SLC39A9: variants seen among roughly 807,000 people sequenced by gnomAD.
The protein encoded by SLC39A9 is solute carrier family 39 member 9.
In SLC39A9, 14 loss-of-function variants were observed where a neutral mutation model predicts 28.4. The observed-to-expected ratio is 0.49, with a 90% CI of 0.33 to 0.77. The LOEUF (loss-of-function observed/expected upper bound fraction) is 0.77, where lower values mean the gene tolerates loss of function less well. Among genes scored for constraint, SLC39A9 ranks in the 30% least tolerant of loss-of-function variants. SLC39A9 has a pLI of 0.02. For synonymous variants in SLC39A9, 119 were observed against 149.6 expected, an observed-to-expected ratio of 0.80 and a Z score of 1.49; for missense variants, 283 against 381.1, an observed-to-expected ratio of 0.74 and a Z score of 2.14.
At position 69,399,475 on chromosome 14, in the gene SLC39A9, T is replaced by G; in HGVS notation, c.96+10T>G. 1 of 1,610,652 alleles carries G rather than the reference T, an allele frequency of 6.2e-7. No homozygotes were observed. ...TGTTAATTTCTCAGAGGTAAGAAAT[T>G]CTCAATTTTCTGTCAGCTGTCAGGA... On this transcript the variant is annotated intron_variant, in intron 1 of 6. Coordinates refer to ENST00000336643, the MANE Select transcript of SLC39A9 (RefSeq NM_018375.5).
At chr14:69,439,705 C>A (rs1427591019) in intron 2 of SLC39A9, among the ~76,000 whole-genome samples, 1 of 152,092 alleles carries the variant, frequency 6.6e-6, no homozygotes, top group Non-Finnish European at 1.5e-5. Flanking sequence ...GGTGCTATCC[C>A]CTTGCTGATG....
In SLC39A9 at chr14:69,461,695, A is replaced by G. The variant is rs777409884; in HGVS notation, c.*3102A>G. Reference sequence around the variant, plus strand: ...CACTGCCTGGTTTTTCTCTTTTTCAAGGATTAGAACTAAGAGGACACACCA... The same window carrying G: ...CACTGCCTGGTTTTTCTCTTTTTCAGGGATTAGAACTAAGAGGACACACCA... On this transcript the variant is annotated 3_prime_UTR_variant, in exon 7 of 7. Transcript: ENST00000336643. 4 of 1,535,800 alleles carry G rather than the reference A, an allele frequency of 2.6e-6. No individual in the cohort carries two copies. Among genetic ancestry groups the G allele is most frequent in the Non-Finnish European group, 3.5e-6 (4 of 1,146,830 alleles).
chr14:69,451,670 C>T (rs969889177), intron 3 of SLC39A9, among the ~76,000 whole-genome samples: 76 of 152,270 alleles, frequency 5.0e-4, no homozygotes, highest in African/African-American at 1.7e-3. Flanking sequence ...ATCACTAGGT[C>T]TAGGCAAGGG....
intron 3 of SLC39A9, among the ~76,000 whole-genome samples, chr14:69,444,648 G>A (rs1885208550): frequency 6.6e-6 from 1 of 151,948 alleles, no homozygotes; most frequent in African/African-American, 2.4e-5. Flanking sequence ...CCACTTCTAG[G>A]GATTTACTCA....
chr14:69,438,491 T>G lies in SLC39A9; in HGVS notation c.206-3578T>G, dbSNP rs116382216. On this transcript the variant is annotated intron_variant, in intron 2 of 6. Coordinates refer to ENST00000336643, the MANE Select transcript of SLC39A9 (RefSeq NM_018375.5). ...TTAACTAAGTGCTCTGATGCTTTAA[T>G]AAGCATTATTAAATACTAATTAATG... Among the ~76,000 whole-genome samples, 979 of 152,302 alleles carry G rather than the reference T, an allele frequency of 6.4e-3. 6 individuals are homozygous for G. The highest frequency in any genetic ancestry group is 0.022 in the African/African-American group (935 of 41,556).
intron 6 of SLC39A9, among the ~76,000 whole-genome samples, chr14:69,457,394 G>A (rs1224100567): frequency 6.6e-6 from 1 of 152,048 alleles, no homozygotes. Context: ...GTAGAGACAG[G>A]GTTTCACCAT....
chr14:69,457,229 A>G (rs1451074525), intron 6 of SLC39A9, among the ~76,000 whole-genome samples: 1 of 151,592 alleles, frequency 6.6e-6, no homozygotes, highest in Non-Finnish European at 1.5e-5. Context: ...TTTGAGATGG[A>G]ATCTTGCCTG....
intron 3 of SLC39A9, among the ~76,000 whole-genome samples, chr14:69,451,969 A>G (rs1001644452): frequency 6.6e-6 from 1 of 151,266 alleles, no homozygotes; most frequent in Non-Finnish European, 1.5e-5. Context: ...TCCCCCATCG[A>G]CCTCCCAGAC....
chr14:69,403,399 G>C (rs920690306), intron 1 of SLC39A9, among the ~76,000 whole-genome samples: 1 of 152,212 alleles, frequency 6.6e-6, no homozygotes, highest in African/African-American at 2.4e-5. Flanking sequence ...ACTCACCTGA[G>C]TATGTCTCCT....
intron 3 of SLC39A9, among the ~76,000 whole-genome samples, chr14:69,442,516 G>C (rs1885097870): frequency 6.6e-6 from 1 of 152,202 alleles, no homozygotes; most frequent in Non-Finnish European, 1.5e-5. Context: ...GTCTAGGGCA[G>C]AAGTTCTTAA....
chr14:69,445,918 G>C (rs1885272700), intron 3 of SLC39A9, among the ~76,000 whole-genome samples: 1 of 152,164 alleles, frequency 6.6e-6, no homozygotes, highest in Admixed American at 6.5e-5. Flanking sequence ...ACACTGAAGG[G>C]ATTTAACAAA....
Position 69,459,554 on chromosome 14 carries a change from T to TG in SLC39A9, c.*961_*962insG. ...CAAAATGTATGGTTGTCCTTTTTTT[T>TG]TGTTTTTTTTTTTTTTAATTATTTC... is the stretch of plus-strand genomic sequence containing the variant. On this transcript the variant is annotated 3_prime_UTR_variant, in exon 7 of 7. Coordinates refer to ENST00000336643, the MANE Select transcript of SLC39A9 (RefSeq NM_018375.5). 1.1e-6 allele frequency: 1 copy of TG among 951,418 alleles called. No individual in the cohort carries two copies. Among genetic ancestry groups the TG allele is most frequent in the Non-Finnish European group, 1.2e-6 (1 of 812,662 alleles). The allele number at this position is 951,418 out of a possible 1,614,324, so 58.9% of individuals were successfully genotyped here.
At chr14:69,405,108 ACTCACTATCACAAGAACAGCATGAC>A (rs1882843929) in intron 1 of SLC39A9, among the ~76,000 whole-genome samples, 2 of 152,232 alleles carry the variant, frequency 1.3e-5, no homozygotes, top group South Asian at 2.1e-4. Context: ...AACAGCAAGA[ACTCACTATCACAAGAACAGCATGAC>A]CTCCCACCAG....
intron 2 of SLC39A9, among the ~76,000 whole-genome samples, chr14:69,436,632 G>A (rs1441377632): frequency 6.6e-6 from 1 of 152,162 alleles, no homozygotes; most frequent in African/African-American, 2.4e-5. Context: ...CTTTGGCTAT[G>A]TCCTGTGTAT....
chr14:69,455,304 G>GT (rs1053215632), intron 5 of SLC39A9, among the ~76,000 whole-genome samples: 16 of 151,738 alleles, frequency 1.1e-4, no homozygotes, highest in African/African-American at 3.4e-4. Flanking sequence ...TTGTTTTTTG[G>GT]TTTTTTTTGT....
At chr14:69,458,242 A>G (rs1885959389) in intron 6 of SLC39A9, 121 bp from the exon 7 acceptor site, 3 of 1,229,632 alleles carry the variant, frequency 2.4e-6, no homozygotes, top group South Asian at 1.6e-5. Context: ...TGTTCTCTAG[A>G]TGTCCCCAGT....
intron 3 of SLC39A9, among the ~76,000 whole-genome samples, chr14:69,446,472 T>C (rs937821900): frequency 1.3e-5 from 2 of 151,418 alleles, no homozygotes; most frequent in African/African-American, 4.9e-5. Flanking sequence ...GATGGGAGCA[T>C]GTCATAGGAT....
rs562616929 is a variant in SLC39A9, at chr14:69,459,995, A to G, written c.*1402A>G. ...AATTGACACAATCACTAATCTGGTA[A>G]TTTAAACAATTGAGATAGCAAAAGT... is the stretch of plus-strand genomic sequence containing the variant. On this transcript the variant is annotated 3_prime_UTR_variant, in exon 7 of 7. Transcript: ENST00000336643. The G allele has an allele frequency of 1.0e-6, 1 of 985,236 alleles. No individual in the cohort carries two copies. Among genetic ancestry groups the G allele is most frequent in the East Asian group, 1.1e-4 (1 of 8,824 alleles). 61.0% of individuals were successfully genotyped at this position (985,236 alleles called of 1,614,324 possible).
intron 1 of SLC39A9, among the ~76,000 whole-genome samples, chr14:69,406,848 G>GTTTTTT (rs398025544): frequency 6.7e-4 from 64 of 95,904 alleles, no homozygotes; most frequent in Non-Finnish European, 7.8e-4. Context: ...GAAATTCTTT[G>GTTTTTT]TTTTTTTTTT....
Sources: gnomAD v4.1 joint callset for allele counts (sites outside exome capture counted in the v4.1 genomes callset) on GRCh38, gnomAD v4.1.1 for gene constraint, MANE v1.5 for transcripts, NCBI Gene and HGNC (gene_info 2026-07-23, HGNC 2026-07-21) for gene names.